ABCC4: variants seen among roughly 807,000 people sequenced by gnomAD.
The protein encoded by ABCC4 is ATP-binding cassette sub-family C member 4.
In ABCC4, 102 loss-of-function variants were observed where a neutral mutation model predicts 168.5. That is an observed-to-expected ratio of 0.61 (90% CI 0.52 to 0.71). The LOEUF is 0.71. Among genes scored for constraint, ABCC4 ranks in the 30% least tolerant of loss-of-function variants. ABCC4 has a pLI of 0.00. For missense variants in ABCC4, 1,402 were observed against 1,605.8 expected, an observed-to-expected ratio of 0.87 and a Z score of 2.17; for synonymous variants, 617 against 590.7, an observed-to-expected ratio of 1.04 and a Z score of -0.65.
At chr13:95,156,604 G>A (rs562807757) in intron 19 of ABCC4, among the ~76,000 whole-genome samples, 11 of 152,124 alleles carry the variant, frequency 7.2e-5, no homozygotes, top group South Asian at 2.1e-4. Flanking sequence ...TAGATGCAGC[G>A]AACAGTACCA....
intron 9 of ABCC4, among the ~76,000 whole-genome samples, chr13:95,189,046 GC>G (rs2038163207): frequency 1.6e-5 from 2 of 121,836 alleles, no homozygotes; most frequent in Non-Finnish European, 3.4e-5. Context: ...CCCTCCCCTT[GC>G]CCCCCACCCA....
chr13:95,264,527 T>C (rs1041474204), intron 1 of ABCC4, among the ~76,000 whole-genome samples: 1 of 152,238 alleles, frequency 6.6e-6, no homozygotes, highest in Non-Finnish European at 1.5e-5. Flanking sequence ...TATTTATTTT[T>C]ATGGTATTTC....
At chr13:95,292,846 G>A (rs911487668) in intron 1 of ABCC4, among the ~76,000 whole-genome samples, 1 of 152,108 alleles carries the variant, frequency 6.6e-6, no homozygotes. Flanking sequence ...ATGGAACCCA[G>A]AAATGGAACA....
At position 95,161,252 on chromosome 13, in the gene ABCC4, G is replaced by A. The variant is rs1363206569; in HGVS notation, c.2392C>T (p.His798Tyr). ...AGAATTGACTCAAACATTTTGTTGT[G>A]CAAAGTTTGTGAAGAGTTAACAAGG... The part of the protein sequence containing the change: ...YVLVNSSQTL[H>Y]NKMFESILKA... Residue 798 changes from histidine (H) to tyrosine (Y), a missense_variant, in exon 19 of 31, where the codon CAC (histidine) becomes TAC (tyrosine). Around this residue, in one of 3 missense-constraint regions of ABCC4, gnomAD observed 1,007 missense variants for 1,127.3 expected, o/e 0.89. Coordinates refer to ENST00000645237, the MANE Select transcript of ABCC4 (RefSeq NM_005845.5). 1.2e-6 allele frequency: 2 copies of A among 1,611,250 alleles called. No homozygotes were observed. Among genetic ancestry groups the A allele is most frequent in the Non-Finnish European group, 1.7e-6 (2 of 1,179,432 alleles).
At chr13:95,263,852 C>A (rs1180496469) in intron 1 of ABCC4, among the ~76,000 whole-genome samples, 2 of 151,824 alleles carry the variant, frequency 1.3e-5, no homozygotes, top group African/African-American at 4.8e-5. Flanking sequence ...TAGTACCCAG[C>A]ACTCTTTCTA....
intron 22 of ABCC4, chr13:95,075,194 TGAGA>T (rs2139315202): frequency 2.0e-6 from 1 of 505,244 alleles, no homozygotes; most frequent in Non-Finnish European, 3.5e-6. Flanking sequence ...CCATGCATGG[TGAGA>T]GAAAGACCCC....
chr13:95,124,765 C>T (rs547373576), intron 19 of ABCC4, among the ~76,000 whole-genome samples: 58 of 148,570 alleles, frequency 3.9e-4, no homozygotes, highest in African/African-American at 1.3e-3. Context: ...CCTGTAGTCC[C>T]GGCTACTCGT....
chr13:95,244,054 C>T (rs1280298592), intron 3 of ABCC4, among the ~76,000 whole-genome samples: 2 of 152,166 alleles, frequency 1.3e-5, no homozygotes, highest in Admixed American at 1.3e-4. Context: ...TTTCCCACAG[C>T]CATGCCCCAC....
At chr13:95,198,220 G>A (rs2038516942) in intron 8 of ABCC4, among the ~76,000 whole-genome samples, 4 of 152,162 alleles carry the variant, frequency 2.6e-5, no homozygotes, top group Admixed American at 2.6e-4. Flanking sequence ...ATGTGACAGA[G>A]GGCTAACATC....
At chr13:95,218,912 A>AT (rs11458385) in intron 4 of ABCC4, among the ~76,000 whole-genome samples, 91,186 of 119,128 alleles carry the variant, frequency 0.77, 34,503 homozygotes, top group Non-Finnish European at 0.79. Context: ...AGAAAGAGAG[A>AT]GAGAGAGAAA....
At chr13:95,258,540 T>A (rs2040449206) in intron 1 of ABCC4, among the ~76,000 whole-genome samples, 1 of 152,224 alleles carries the variant, frequency 6.6e-6, no homozygotes. Context: ...TACTACAATC[T>A]ATTTGTGTAG....
In ABCC4 at chr13:95,206,628, C is replaced by T; in HGVS notation, c.1065G>A (p.Val355=). 1 of 1,614,172 alleles carries T rather than the reference C, an allele frequency of 6.2e-7. No homozygotes were observed. The highest frequency in any genetic ancestry group is 8.5e-7 in the Non-Finnish European group (1 of 1,180,034). ...VITASRVFVA[V]TLYGAVRLTV... is the part of the protein sequence containing the mutation. Reference sequence around the variant, plus strand: ...TCAGCCGCACAGCCCCATACAGCGTCACTGCCACGAACACGCGGCTGGCTG... The same window carrying T: ...TCAGCCGCACAGCCCCATACAGCGTTACTGCCACGAACACGCGGCTGGCTG... The change falls in exon 8 of 31, where the codon GTG becomes GTA. Residue 355 remains valine, a synonymous_variant. Transcript: ENST00000645237.
intron 4 of ABCC4, among the ~76,000 whole-genome samples, chr13:95,229,895 C>T (rs2039571952): frequency 6.6e-6 from 1 of 152,200 alleles, no homozygotes; most frequent in South Asian, 2.1e-4. Context: ...AACATGGAGC[C>T]AACTCCCCAA....
Position 95,163,650 on chromosome 13 carries a change from A to G in ABCC4, c.2176-3T>C. 6.2e-7 allele frequency: 1 copy of G among 1,610,774 alleles called. No homozygotes were observed. ...CAATCTTGAAGCACATAGGCAACCT[A>G]GGAGGGGAGAAACAACAAAGACAAA... On this transcript the variant is annotated splice_region_variant and splice_polypyrimidine_tract_variant and intron_variant, in intron 16 of 30. Coordinates refer to ENST00000645237, the MANE Select transcript of ABCC4 (RefSeq NM_005845.5).
intron 20 of ABCC4, among the ~76,000 whole-genome samples, chr13:95,087,934 A>G (rs1164953997): frequency 1.3e-5 from 2 of 152,178 alleles, no homozygotes; most frequent in East Asian, 3.8e-4. Context: ...TCTTCTGTGT[A>G]TGACAAGATC....
intron 1 of ABCC4, among the ~76,000 whole-genome samples, chr13:95,277,603 G>T (rs1471844564): frequency 6.7e-6 from 1 of 149,224 alleles, no homozygotes; most frequent in Non-Finnish European, 1.5e-5. Flanking sequence ...AATCCACAAA[G>T]AAAGTAGGGA....
At chr13:95,058,567 C>CAAAAAAAAAAAAAAAAAAAA (rs1165324016) in intron 26 of ABCC4, among the ~76,000 whole-genome samples, 3 of 62,788 alleles carry the variant, frequency 4.8e-5, no homozygotes, top group Non-Finnish European at 5.9e-5. Flanking sequence ...GACTCCATCT[C>CAAAAAAAAAAAAAAAAAAAA]AAAAAAAAAA....
At chr13:95,226,252 A>G (rs2039463684) in intron 4 of ABCC4, among the ~76,000 whole-genome samples, 1 of 152,020 alleles carries the variant, frequency 6.6e-6, no homozygotes, top group Admixed American at 6.6e-5. Flanking sequence ...TCTAAAGTCA[A>G]TATGAAAATG....
chr13:95,168,601 G>T (rs565017555), intron 14 of ABCC4, among the ~76,000 whole-genome samples: 2 of 152,228 alleles, frequency 1.3e-5, no homozygotes, highest in East Asian at 3.9e-4. Flanking sequence ...TATTTCCATC[G>T]TTTTATTAAG....
Sources: gnomAD v4.1 joint callset for allele counts (sites outside exome capture counted in the v4.1 genomes callset) on GRCh38, gnomAD v4.1.1 for gene constraint, gnomAD v4.1.1 regional missense constraint, MANE v1.5 for transcripts, NCBI Gene and HGNC (gene_info 2026-07-23, HGNC 2026-07-21) for gene names.